Variants in ECM2 observed in about 807,000 individuals in gnomAD.
The protein encoded by ECM2 is extracellular matrix protein 2, female organ and adipocyte specific.
In ECM2, 57 loss-of-function variants were observed where a neutral mutation model predicts 67.5. The observed-to-expected ratio is 0.84, with a 90% CI of 0.68 to 1.05. ECM2 has a LOEUF of 1.05. Among genes scored for constraint, ECM2 ranks in the 50% least tolerant of loss-of-function variants. The pLI is 0.00. For missense variants in ECM2, 741 were observed against 822.8 expected (o/e 0.90, Z 1.22); for synonymous variants, 258 against 294.5 (o/e 0.88, Z 1.27).
At chr9:92,533,320 AAAAAAAAAAT>A (rs1038131591) in intron 1 of ECM2, among the ~76,000 whole-genome samples, 1 of 92,472 alleles carries the variant, frequency 1.1e-5, no homozygotes, top group African/African-American at 4.3e-5. Context: ...AAAAAAAAAA[AAAAAAAAAAT>A]ATATATATAT....
In ECM2 at chr9:92,509,908, T is replaced by A; in HGVS notation, c.1297A>T (p.Ser433Cys). The A allele has an allele frequency of 4.4e-6, 7 of 1,603,534 alleles. No homozygotes were observed. Among genetic ancestry groups the A allele is most frequent in the Non-Finnish European group, 5.9e-6 (7 of 1,177,872 alleles). ...AACAAATATTAAATACCTGATAAACTTTCTTCATCGATAGCCTGAAGATTG... is the reference window on the plus strand; with the variant it reads ...AACAAATATTAAATACCTGATAAACATTCTTCATCGATAGCCTGAAGATTG... ...ENNLQAIDEE[S>C]LSDLNQLVTL... The change falls in exon 6 of 10, where the codon AGT becomes TGT. Residue 433 changes from serine (S) to cysteine (C), a missense_variant. Ser to Cys is a moderately radical substitution (Grantham distance 112). Transcript: ENST00000344604.
the ECM2 span, among the ~76,000 whole-genome samples, chr9:92,558,271 C>T: frequency 5.3e-5 from 8 of 152,198 alleles, no homozygotes; most frequent in Non-Finnish European, 1.2e-4. Flanking sequence ...TAGGTAGGTT[C>T]TATCAGAGGG....
chr9:92,547,566 G>T, the ECM2 span, among the ~76,000 whole-genome samples: 1 of 152,190 alleles, frequency 6.6e-6, no homozygotes, highest in Admixed American at 6.6e-5. Flanking sequence ...AGTCACAAAA[G>T]ACCACATATT....
chr9:92,498,315 G>A (rs1846475480), intron 9 of ECM2, among the ~76,000 whole-genome samples: 1 of 152,096 alleles, frequency 6.6e-6, no homozygotes, highest in Non-Finnish European at 1.5e-5. Flanking sequence ...TAGACGTTGG[G>A]GGAGGGATAG....
chr9:92,534,176 C>G (rs992181565), intron 1 of ECM2, among the ~76,000 whole-genome samples: 29 of 152,178 alleles, frequency 1.9e-4, no homozygotes, highest in African/African-American at 5.5e-4. Flanking sequence ...GAGTGTCTGT[C>G]CCACCAGGAG....
chr9:92,539,746 C>G (rs1849274134), upstream of ECM2, among the ~76,000 whole-genome samples: 1 of 152,152 alleles, frequency 6.6e-6, no homozygotes, highest in Admixed American at 6.5e-5. Context: ...TAAAGTGTTA[C>G]AGTTGCTTCA....
rs550440756 is a variant in ECM2 at position 92,505,232 on chromosome 9, T to C, written c.1464+301A>G. 2.0e-4 allele frequency among the ~76,000 whole-genome samples: 30 copies of C among 152,246 alleles called. No homozygotes were observed. In the East Asian group the frequency reaches 3.7e-3, roughly 19 times the overall value. On this transcript the variant is annotated intron_variant, in intron 7 of 9. Transcript: ENST00000344604. ...GGGGCAGTTTACACTGTCTTGAGAG[T>C]CAGAGTACCTCATGGAAGTTGTGGT... is the stretch of plus-strand genomic sequence containing the variant.
the ECM2 span, among the ~76,000 whole-genome samples, chr9:92,543,367 G>A: frequency 8.0e-5 from 12 of 150,066 alleles, no homozygotes; most frequent in African/African-American, 2.7e-4. Flanking sequence ...CAGCTACTCA[G>A]GAGGCTGAGG....
At chr9:92,542,531 C>T in the ECM2 span, among the ~76,000 whole-genome samples, 1 of 149,002 alleles carries the variant, frequency 6.7e-6, no homozygotes, top group Admixed American at 6.7e-5. Flanking sequence ...GAGATGGAGT[C>T]TCGCTCTGTC....
chr9:92,538,526 T>C (rs1849242702), upstream of ECM2, among the ~76,000 whole-genome samples: 1 of 152,200 alleles, frequency 6.6e-6, no homozygotes, highest in Admixed American at 6.5e-5. Context: ...ACTCTTAAAG[T>C]AACAGCACTG....
At chr9:92,548,857 T>TTG in the ECM2 span, among the ~76,000 whole-genome samples, 303 of 150,534 alleles carry the variant, frequency 2.0e-3, 2 homozygotes, top group East Asian at 5.6e-3. Context: ...CAGTTCACTT[T>TTG]TGTGTGTGTG....
chr9:92,519,382 G>A (rs992907951), intron 2 of ECM2, among the ~76,000 whole-genome samples: 8 of 152,080 alleles, frequency 5.3e-5, no homozygotes, highest in African/African-American at 1.9e-4. Flanking sequence ...AAAGAACAAA[G>A]TTGGAGATCT....
At chr9:92,508,182 G>C (rs1847117629) in intron 6 of ECM2, among the ~76,000 whole-genome samples, 1 of 152,202 alleles carries the variant, frequency 6.6e-6, no homozygotes, top group Non-Finnish European at 1.5e-5. Flanking sequence ...TCCCAGCCAG[G>C]GGGAGCCCAG....
chr9:92,529,940 A>G (rs554038089), intron 1 of ECM2, among the ~76,000 whole-genome samples: 1 of 152,326 alleles, frequency 6.6e-6, no homozygotes, highest in South Asian at 2.1e-4. Flanking sequence ...TGGCCTATGT[A>G]GCTTTTGTGC....
At chr9:92,506,352 T>C (rs1316422575) in intron 6 of ECM2, among the ~76,000 whole-genome samples, 2 of 152,162 alleles carry the variant, frequency 1.3e-5, no homozygotes, top group East Asian at 1.9e-4. Context: ...TGCATTCAGA[T>C]TGAACTAGCA....
At chr9:92,544,712 ATTT>A in the ECM2 span, among the ~76,000 whole-genome samples, 34,049 of 132,222 alleles carry the variant, frequency 0.26, 5,761 homozygotes, top group African/African-American at 0.52. Flanking sequence ...ATCACTATAA[ATTT>A]TTTTTTTTTT....
At chr9:92,557,731 C>T in the ECM2 span, among the ~76,000 whole-genome samples, 1 of 152,168 alleles carries the variant, frequency 6.6e-6, no homozygotes, top group Admixed American at 6.5e-5. Context: ...CAACCTCTGC[C>T]TCCCAGGTTC....
At chr9:92,532,426 A>G (rs1848855456) in intron 1 of ECM2, among the ~76,000 whole-genome samples, 1 of 152,096 alleles carries the variant, frequency 6.6e-6, no homozygotes, top group Non-Finnish European at 1.5e-5. Context: ...CAAATAGTAC[A>G]TTCTCTTTTC....
chr9:92,518,541 C>T (rs1847869620), intron 2 of ECM2, among the ~76,000 whole-genome samples: 1 of 152,142 alleles, frequency 6.6e-6, no homozygotes, highest in Non-Finnish European at 1.5e-5. Context: ...TGAGCTATGT[C>T]TTTTATGGTT....
Sources: allele counts gnomAD v4.1 joint callset (sites outside exome capture counted in the v4.1 genomes callset), GRCh38; gene constraint gnomAD v4.1.1; transcripts MANE v1.5; gene names NCBI Gene and HGNC (gene_info 2026-07-23, HGNC 2026-07-21).